The following CTNS variants were observed in gnomAD, a reference collection of about 807,000 sequenced individuals.
CTNS encodes cystinosin, lysosomal cystine transporter, also known as cystinosin.
In CTNS, 27 loss-of-function variants were observed where a neutral mutation model predicts 43.7. The ratio of observed to expected loss-of-function variants is 0.62; its 90% CI spans 0.46 to 0.85. The LOEUF (loss-of-function observed/expected upper bound fraction) is 0.85, where lower values mean the gene tolerates loss of function less well. CTNS is among the 40% of genes least tolerant of loss of function. The probability of loss-of-function intolerance (pLI) is 0.00; values close to 1 mark genes in which losing one functional copy is unlikely to be tolerated. For missense variants in CTNS, 457 were observed against 475.4 expected (o/e 0.96, Z 0.36); for synonymous variants, 187 against 190.6 (o/e 0.98, Z 0.16).
chr17:3,640,093 A>G, intron 2 of CTNS, 95 bp from the exon 3 acceptor site: 1 of 999,590 alleles, frequency 1.0e-6, no homozygotes, highest in Non-Finnish European at 1.6e-6. Flanking sequence ...GCAGTCCTTT[A>G]TGAGCCATCC....
Position 3,658,148 on chromosome 17 carries a change from A to G in CTNS, c.825A>G (p.Ala275=), listed in dbSNP as rs904979100. ...TCTGCTTCTCCTACATCAAGCTCGC[A>G]GTCACGCTGGTCAAGTATTTTCCAC... is the stretch of plus-strand genomic sequence containing the variant. ...FLFCFSYIKL[A]VTLVKYFPQA... Residue 275 remains alanine, a synonymous_variant, in exon 10 of 12, where the codon GCA becomes GCG. Coordinates refer to ENST00000046640, the MANE Select transcript of CTNS (RefSeq NM_004937.3). 1.2e-6 allele frequency: 2 copies of G among 1,612,106 alleles called. No homozygotes were observed. The highest frequency in any genetic ancestry group is 1.7e-6 in the Non-Finnish European group (2 of 1,179,778).
chr17:3,642,057 A>G lies in CTNS; in HGVS notation c.61+1790A>G, dbSNP rs1288823620. On this transcript the variant is annotated intron_variant, in intron 3 of 11. Coordinates refer to ENST00000046640, the MANE Select transcript of CTNS (RefSeq NM_004937.3). Reference sequence around the variant, plus strand: ...TGCCTGGGCCTGTGTGTGTGTGTGTACCCGGGCGTGTGTGTGTGTGTGTGT... The same window carrying G: ...TGCCTGGGCCTGTGTGTGTGTGTGTGCCCGGGCGTGTGTGTGTGTGTGTGT... Among the ~76,000 whole-genome samples the G allele has an allele frequency of 3.0e-3, 115 of 37,884 alleles. 1 individual carries two copies. In the East Asian group the frequency reaches 0.031, roughly 10 times the overall value. 24.9% of individuals were successfully genotyped at this position (37,884 alleles called of 152,430 possible).
At chr17:3,640,615 C>A (rs1415914032) in intron 3 of CTNS, among the ~76,000 whole-genome samples, 21 of 152,244 alleles carry the variant, frequency 1.4e-4, no homozygotes, top group Admixed American at 1.4e-3. Flanking sequence ...AAGACTGGCT[C>A]AGGCTGGAGC....
At chr17:3,655,454 T>G in intron 7 of CTNS, 102 bp downstream of exon 7, 1 of 1,532,782 alleles carries the variant, frequency 6.5e-7, no homozygotes. Context: ...CCCTCTACCC[T>G]TCTGTCTGCC....
intron 3 of CTNS, among the ~76,000 whole-genome samples, chr17:3,641,924 T>A (rs1031883510): frequency 2.0e-5 from 3 of 152,132 alleles, no homozygotes; most frequent in Admixed American, 2.0e-4. Flanking sequence ...GAACCTGGTG[T>A]TTCTTAATAC....
chr17:3,651,518 C>T lies in CTNS; in HGVS notation c.225+2587C>T, dbSNP rs117696648. Among the ~76,000 whole-genome samples the T allele has an allele frequency of 1.0e-3, 157 of 152,272 alleles. 8 individuals carry two copies. The East Asian group carries it at 0.028, about 27-fold the overall frequency. ...GTCAGGGTAGCAGTGACCCTCGGGG[C>T]CAGCGGAGGCTGGAGGAAGCAAGCA... On this transcript the variant is annotated intron_variant, in intron 5 of 11. Coordinates refer to ENST00000046640, the MANE Select transcript of CTNS (RefSeq NM_004937.3).
rs1279139434 is a variant in CTNS at position 3,660,387 on chromosome 17, T to C, written c.*18T>C. 4 of 1,614,110 alleles carry C rather than the reference T, an allele frequency of 2.5e-6. No homozygotes were observed. In the Admixed American group the frequency reaches 6.7e-5, roughly 27 times the overall value. On this transcript the variant is annotated 3_prime_UTR_variant, in exon 12 of 12. Transcript: ENST00000046640. ...TGAACTAGCACCCAGGGACCCAGTG[T>C]ACCCAGCCTCTGGCCTCGTGCCCTG...
rs2150925451 is a variant in CTNS, at chr17:3,658,162, A to G, written c.839A>G (p.Lys280Arg). The G allele has an allele frequency of 6.2e-7, 1 of 1,611,940 alleles. No individual in the cohort carries two copies. Among genetic ancestry groups the G allele is most frequent in the Non-Finnish European group, 8.5e-7 (1 of 1,179,744 alleles). ...SYIKLAVTLV[K>R]YFPQAYMNFY... Reference sequence around the variant, plus strand: ...ATCAAGCTCGCAGTCACGCTGGTCAAGTATTTTCCACAGGTACCTCCAGGG... The same window carrying G: ...ATCAAGCTCGCAGTCACGCTGGTCAGGTATTTTCCACAGGTACCTCCAGGG... The change falls in exon 10 of 12, where the codon AAG becomes AGG. Residue 280 changes from lysine to arginine, a missense_variant. By Grantham distance (26) the Lys-to-Arg change is conservative. Transcript: ENST00000046640.
At chr17:3,636,747 A>T (rs1453075145), upstream of CTNS, 1 of 153,454 alleles carries the variant, frequency 6.5e-6, no homozygotes, top group Non-Finnish European at 1.5e-5. Context: ...CTAGCCGGGC[A>T]GGGGAACGCG....
At position 3,656,672 on chromosome 17, in the gene CTNS, A is replaced by T. The variant is rs761366500; in HGVS notation, c.562-4A>T. The T allele has an allele frequency of 6.2e-7, 1 of 1,612,670 alleles. No homozygotes were observed. The highest frequency in any genetic ancestry group is 1.7e-5 in the Admixed American group (1 of 59,896). ...CCACCCAGCTTCTCCCACCCACCAA[A>T]CAGGAGCAGTTTCTCCTCAAATACC... is the stretch of plus-strand genomic sequence containing the variant. On this transcript the variant is annotated splice_region_variant and splice_polypyrimidine_tract_variant and intron_variant, in intron 8 of 11. Transcript: ENST00000046640.
intron 3 of CTNS, among the ~76,000 whole-genome samples, chr17:3,644,662 C>T (rs2075804224): frequency 6.6e-6 from 1 of 152,128 alleles, no homozygotes; most frequent in African/African-American, 2.4e-5. Flanking sequence ...GACAGGGTTT[C>T]ACTATGTTAG....
chr17:3,660,559 C>T lies in CTNS; in HGVS notation c.*190C>T. On this transcript the variant is annotated 3_prime_UTR_variant, in exon 12 of 12. Coordinates refer to ENST00000046640, the MANE Select transcript of CTNS (RefSeq NM_004937.3). ...TGCCTTCGTCCGGGCCCCTCCTGGG[C>T]CTCCCCGGCCAGGCACGTGGCACCG... 1.2e-6 allele frequency: 2 copies of T among 1,612,986 alleles called. No homozygotes were observed. The highest frequency in any genetic ancestry group is 1.7e-6 in the Non-Finnish European group (2 of 1,179,998).
chr17:3,658,252 G>A (rs2076202995), intron 10 of CTNS, 77 bp downstream of exon 10: 2 of 1,570,604 alleles, frequency 1.3e-6, no homozygotes, highest in Non-Finnish European at 8.7e-7. Context: ...GCTCCGGTGG[G>A]GCAGCTCCTG....
intron 10 of CTNS, among the ~76,000 whole-genome samples, 200 bp from the exon 11 acceptor site, chr17:3,659,658 T>C (rs2076239783): frequency 6.6e-6 from 1 of 152,214 alleles, no homozygotes; most frequent in Non-Finnish European, 1.5e-5. Context: ...TACATGCAGA[T>C]GAGACGCCTA....
In CTNS at chr17:3,656,796, G is replaced by A. The variant is rs749317721; in HGVS notation, c.681+1G>A. 6.2e-6 allele frequency: 10 copies of A among 1,612,926 alleles called. No individual in the cohort carries two copies. Among genetic ancestry groups the A allele is most frequent in the South Asian group, 1.1e-5 (1 of 91,072 alleles). On this transcript the variant is annotated splice_donor_variant, in intron 9 of 11. Transcript: ENST00000046640. LOFTEE classifies it high-confidence loss of function. The stretch of plus-strand genomic sequence containing the variant: ...CATCGTGCAGTGCTGCCTGTATGAG[G>A]TGAGACCAGCCCTGGCCCCCCACAG...
At chr17:3,648,570 G>C (rs1461919584) in intron 4 of CTNS, among the ~76,000 whole-genome samples, 2 of 152,194 alleles carry the variant, frequency 1.3e-5, no homozygotes, top group Non-Finnish European at 2.9e-5. Context: ...AGGGAGCCAC[G>C]GTCCTGGGCC....
intron 10 of CTNS, 117 bp downstream of exon 10, chr17:3,658,292 C>T (rs2076203984): frequency 5.7e-6 from 8 of 1,399,042 alleles, no homozygotes; most frequent in Non-Finnish European, 2.0e-6. Context: ...CGGAAAGCCA[C>T]AGGGAGCCCG....
chr17:3,658,269 T>C, intron 10 of CTNS, 94 bp downstream of exon 10: 2 of 1,521,580 alleles, frequency 1.3e-6, no homozygotes, highest in East Asian at 4.7e-5. Flanking sequence ...CCTGCCGGCG[T>C]GAGGAAACAG....
chr17:3,654,090 G>C (rs1340880695), intron 5 of CTNS, among the ~76,000 whole-genome samples: 1 of 152,190 alleles, frequency 6.6e-6, no homozygotes, highest in East Asian at 1.9e-4. Flanking sequence ...TGTGGACAAG[G>C]AGGAGCCCAG....
Sources: allele counts gnomAD v4.1 joint callset (sites outside exome capture counted in the v4.1 genomes callset), GRCh38; gene constraint gnomAD v4.1.1; transcripts MANE v1.5; gene names NCBI Gene and HGNC (gene_info 2026-07-23, HGNC 2026-07-21).